The following LSAMP variants were observed in gnomAD, a reference collection of about 807,000 sequenced individuals.
LSAMP encodes the protein limbic system-associated membrane protein.
LSAMP carries 7 observed loss-of-function variants against 38.6 expected under a neutral mutation model. The ratio of observed to expected loss-of-function variants is 0.18; its 90% CI spans 0.10 to 0.34. The LOEUF is 0.34. LSAMP is among the 10% of genes least tolerant of loss of function. The pLI is 1.00. For synonymous variants in LSAMP, 154 were observed against 166.8 expected (o/e 0.92, Z 0.59); for missense variants, 313 against 420.0 (o/e 0.75, Z 2.23).
chr3:115,978,755 A>T (rs887229459), intron 3 of LSAMP, among the ~76,000 whole-genome samples: 1 of 152,112 alleles, frequency 6.6e-6, no homozygotes, highest in African/African-American at 2.4e-5. Flanking sequence ...AGGGCAGGCT[A>T]TCAACTTACA....
At chr3:116,250,582 T>C (rs1483393446) in intron 1 of LSAMP, among the ~76,000 whole-genome samples, 1 of 151,660 alleles carries the variant, frequency 6.6e-6, no homozygotes, top group East Asian at 1.9e-4. Context: ...GGAACAAATA[T>C]CAGGCCTGGT....
At chr3:116,200,808 T>G (rs1466799975) in intron 1 of LSAMP, among the ~76,000 whole-genome samples, 1 of 152,204 alleles carries the variant, frequency 6.6e-6, no homozygotes. Flanking sequence ...CAGCCCAAGC[T>G]CAGGTAAGCT....
intron 2 of LSAMP, among the ~76,000 whole-genome samples, chr3:116,055,900 A>C (rs982347020): frequency 6.6e-6 from 1 of 152,324 alleles, no homozygotes; most frequent in African/African-American, 2.4e-5. Flanking sequence ...CTATTTTCAA[A>C]GAGTTTGCAC....
chr3:115,930,117 G>A (rs1937558682), intron 3 of LSAMP, among the ~76,000 whole-genome samples: 1 of 143,748 alleles, frequency 7.0e-6, no homozygotes, highest in African/African-American at 2.5e-5. Flanking sequence ...GTGACTTTGG[G>A]TGGAACTCTA....
chr3:116,279,724 A>G (rs1485120257), intron 1 of LSAMP, among the ~76,000 whole-genome samples: 5 of 152,208 alleles, frequency 3.3e-5, no homozygotes, highest in Non-Finnish European at 7.3e-5. Flanking sequence ...TATTATCTGT[A>G]TTGAATTTTG....
intron 1 of LSAMP, among the ~76,000 whole-genome samples, chr3:116,227,177 A>T (rs2046352046): frequency 6.6e-6 from 1 of 152,098 alleles, no homozygotes; most frequent in Non-Finnish European, 1.5e-5. Flanking sequence ...AGGAAAATCT[A>T]CCCATATGCT....
chr3:115,851,811 G>A (rs1251236431), intron 4 of LSAMP, among the ~76,000 whole-genome samples: 1 of 152,184 alleles, frequency 6.6e-6, no homozygotes, highest in East Asian at 1.9e-4. Flanking sequence ...TTTGCTGGGT[G>A]ACACACATCA....
chr3:116,112,390 A>G (rs1228755399), intron 1 of LSAMP, among the ~76,000 whole-genome samples: 1 of 152,232 alleles, frequency 6.6e-6, no homozygotes, highest in African/African-American at 2.4e-5. Context: ...GCCAGCTAGT[A>G]CATCCTTTTT....
At chr3:116,098,439 C>T (rs1576361090) in intron 1 of LSAMP, among the ~76,000 whole-genome samples, 1 of 152,166 alleles carries the variant, frequency 6.6e-6, no homozygotes, top group East Asian at 1.9e-4. Context: ...GCTGTGGTTG[C>T]AGTAAGCCAA....
chr3:116,350,796 G>GA (rs1033465855), intron 1 of LSAMP, among the ~76,000 whole-genome samples: 24 of 152,016 alleles, frequency 1.6e-4, no homozygotes, highest in Admixed American at 2.6e-4. Context: ...TCTATGGTAA[G>GA]AAAAAATCTT....
chr3:116,291,759 T>G (rs767043545), intron 1 of LSAMP, among the ~76,000 whole-genome samples: 1 of 152,186 alleles, frequency 6.6e-6, no homozygotes, highest in Non-Finnish European at 1.5e-5. Flanking sequence ...TCTAAGGTAC[T>G]TGAAACATTG....
At chr3:116,278,391 G>A (rs369481969) in intron 1 of LSAMP, among the ~76,000 whole-genome samples, 21 of 151,896 alleles carry the variant, frequency 1.4e-4, no homozygotes, top group African/African-American at 5.1e-4. Flanking sequence ...TTTTTTTACT[G>A]CTTGTTCTCC....
intron 6 of LSAMP, among the ~76,000 whole-genome samples, chr3:115,811,121 G>T (rs1017807647): frequency 8.5e-5 from 13 of 152,186 alleles, no homozygotes; most frequent in Non-Finnish European, 1.6e-4. Context: ...GAGGTTGAGA[G>T]GCAGGTCCAA....
At chr3:116,426,410 G>A (rs543084508) in intron 1 of LSAMP, among the ~76,000 whole-genome samples, 26 of 142,676 alleles carry the variant, frequency 1.8e-4, no homozygotes, top group Non-Finnish European at 3.3e-4. Flanking sequence ...GCAGTGAGCT[G>A]AGATCACGCC....
At chr3:116,243,985 G>A (rs575796664) in intron 1 of LSAMP, among the ~76,000 whole-genome samples, 30 of 152,116 alleles carry the variant, frequency 2.0e-4, no homozygotes, top group Non-Finnish European at 3.8e-4. Flanking sequence ...TTTCTCCCTA[G>A]TAAATTCTCT....
intron 3 of LSAMP, among the ~76,000 whole-genome samples, chr3:115,861,523 G>A (rs542385657): frequency 3.8e-4 from 20 of 52,096 alleles, no homozygotes; most frequent in East Asian, 2.0e-3. Context: ...TCCCCCTGGC[G>A]GTAGGAGAAG....
intron 1 of LSAMP, among the ~76,000 whole-genome samples, chr3:116,131,129 T>C (rs569645881): frequency 1.3e-5 from 2 of 152,052 alleles, no homozygotes; most frequent in South Asian, 4.2e-4. Flanking sequence ...TAACTGGGAC[T>C]ACAGGCGCCC....
intron 2 of LSAMP, among the ~76,000 whole-genome samples, chr3:116,029,478 G>C (rs57664682): frequency 0.064 from 9,716 of 152,072 alleles, 989 homozygotes; most frequent in African/African-American, 0.22. Flanking sequence ...GATTACTAAT[G>C]CTACATTCAT....
intron 6 of LSAMP, among the ~76,000 whole-genome samples, chr3:115,827,828 A>G (rs1001349761): frequency 2.6e-5 from 4 of 152,204 alleles, no homozygotes; most frequent in African/African-American, 9.7e-5. Context: ...TCATTATGCC[A>G]TGCTGTGTTC....
Sources: gnomAD v4.1 joint callset for allele counts (sites outside exome capture counted in the v4.1 genomes callset) on GRCh38, gnomAD v4.1.1 for gene constraint, MANE v1.5 for transcripts, NCBI Gene and HGNC (gene_info 2026-07-23, HGNC 2026-07-21) for gene names.